PRPF8: variants seen among roughly 807,000 people sequenced by gnomAD.
PRPF8 encodes the protein pre-mRNA-processing-splicing factor 8.
PRPF8 carries 64 observed loss-of-function variants against 285.9 expected under a neutral mutation model. That is an observed-to-expected ratio of 0.22 (90% CI 0.18 to 0.28). PRPF8 has a LOEUF of 0.28. Among genes scored for constraint, PRPF8 ranks in the 10% least tolerant of loss-of-function variants. PRPF8 has a pLI of 1.00. For missense variants in PRPF8, 1,426 were observed against 3,026.7 expected, an observed-to-expected ratio of 0.47 and a Z score of 12.41; for synonymous variants, 1,325 against 1,118.2, an observed-to-expected ratio of 1.18 and a Z score of -3.69.
intron 3 of PRPF8, 114 bp downstream of exon 3, chr17:1,683,419 C>T: frequency 8.2e-7 from 1 of 1,221,588 alleles, no homozygotes; most frequent in East Asian, 2.3e-5. Flanking sequence ...CTGGTTTTCT[C>T]CTTTCTCTTA....
chr17:1,650,743 C>T lies in PRPF8; in HGVS notation c.*59G>A. 1 of 1,602,422 alleles carries T rather than the reference C, an allele frequency of 6.2e-7. No homozygotes were observed. The highest frequency in any genetic ancestry group is 2.1e-4 in the Middle Eastern group (1 of 4,834). ...GGCCAAACTGCTGAATGTCAGCGGC[C>T]TGTCTGGAGGGGCTGAGGCTTCGGC... On this transcript the variant is annotated 3_prime_UTR_variant, in exon 43 of 43. Coordinates refer to ENST00000304992, the MANE Select transcript of PRPF8 (RefSeq NM_006445.4).
rs561422169 is a variant in PRPF8 at position 1,658,076 on chromosome 17, G to A, written c.5505+177C>T. Among the ~76,000 whole-genome samples, 3 of 151,906 alleles carry A rather than the reference G, an allele frequency of 2.0e-5. No individual in the cohort carries two copies. Among genetic ancestry groups the A allele is most frequent in the African/African-American group, 4.8e-5 (2 of 41,462 alleles). On this transcript the variant is annotated intron_variant, in intron 34 of 42. Coordinates refer to ENST00000304992, the MANE Select transcript of PRPF8 (RefSeq NM_006445.4). This position sits in a 1 kb window ranked among gnomAD's most constrained non-coding sequence, Gnocchi z 4.1. ...GGAAACAGACCAGCTGGAAGGGAAC[G>A]AAGCACCTCATACACTCTTGGACCT... is the stretch of plus-strand genomic sequence containing the variant.
chr17:1,679,938 T>C lies in PRPF8; in HGVS notation c.1099-139A>G. The C allele has an allele frequency of 9.9e-7, 1 of 1,009,504 alleles. No homozygotes were observed. The highest frequency in any genetic ancestry group is 1.3e-5 in the South Asian group (1 of 77,158). 62.5% of individuals were successfully genotyped at this position (1,009,504 alleles called of 1,614,324 possible). On this transcript the variant is annotated intron_variant, in intron 8 of 42. Transcript: ENST00000304992. This position sits in a 1 kb window ranked among gnomAD's most constrained non-coding sequence, Gnocchi z 4.7. ...CTGTCTGACAAAAGCAGCCCTGAAG[T>C]GCCAGCACAAAGGAAACCAAGACAG...
At chr17:1,672,025 A>C (rs1362858704) in intron 24 of PRPF8, among the ~76,000 whole-genome samples, 1 of 152,108 alleles carries the variant, frequency 6.6e-6, no homozygotes, top group African/African-American at 2.4e-5. Context: ...TCTAATAAAA[A>C]TAATGAAAAT....
At chr17:1,665,001 C>CA (rs919617379) in intron 24 of PRPF8, among the ~76,000 whole-genome samples, 8 of 149,124 alleles carry the variant, frequency 5.4e-5, no homozygotes, top group African/African-American at 1.7e-4. Flanking sequence ...ACTAAAAATA[C>CA]AAAAAAAAAT....
intron 24 of PRPF8, among the ~76,000 whole-genome samples, chr17:1,665,076 C>T (rs982500808): frequency 6.8e-6 from 1 of 146,264 alleles, no homozygotes; most frequent in Non-Finnish European, 1.5e-5. Context: ...AGGAGAATCG[C>T]TTGAACAGGG....
Position 1,675,976 on chromosome 17 carries a change from C to T in PRPF8, c.2631G>A (p.Ala877=), listed in dbSNP as rs35420265. 2.5e-3 allele frequency: 4,034 copies of T among 1,614,020 alleles called. 86 individuals carry two copies. In the African/African-American group the frequency reaches 0.047, roughly 19 times the overall value. Residue 877 remains alanine (A), a synonymous_variant, in exon 18 of 43, where the codon GCG becomes GCA. Coordinates refer to ENST00000304992, the MANE Select transcript of PRPF8 (RefSeq NM_006445.4). This position sits in a 1 kb window ranked among gnomAD's most constrained non-coding sequence, Gnocchi z 6.0. The stretch of plus-strand genomic sequence containing the variant: ...GGAGGTGACGCTTGATGCGGGACAG[C>T]GCCTCGTGGGGGTTATCGTAGGCCT... ...IEQAYDNPHE[A]LSRIKRHLLT...
chr17:1,684,697 C>T, intron 1 of PRPF8, 83 bp downstream of exon 1: 1 of 961,188 alleles, frequency 1.0e-6, no homozygotes, highest in Non-Finnish European at 1.6e-6. Context: ...GTGCATCCAG[C>T]CCCGCCCGGC....
intron 24 of PRPF8, among the ~76,000 whole-genome samples, chr17:1,664,230 G>A (rs1911832950): frequency 2.0e-5 from 3 of 151,922 alleles, no homozygotes; most frequent in Admixed American, 6.6e-5. Context: ...ATGGGGTTTC[G>A]CTATGTTGCC....
rs1469696800 is a variant in PRPF8 at position 1,659,987 on chromosome 17, T to C, written c.4800A>G (p.Glu1600=). 6.2e-7 allele frequency: 1 copy of C among 1,614,200 alleles called. No individual in the cohort carries two copies. Among genetic ancestry groups the C allele is most frequent in the Non-Finnish European group, 8.5e-7 (1 of 1,180,010 alleles). ...CTGTCTCAATTTCCAGTGCATCAAG[T>C]TCCTGGTCAAACACCTGAAGGAAAA... The part of the protein sequence containing the change: ...VMDLCQVFDQ[E]LDALEIETVQ... The change falls in exon 31 of 43, where the codon GAA becomes GAG. Residue 1600 remains glutamate, a synonymous_variant. Coordinates refer to ENST00000304992, the MANE Select transcript of PRPF8 (RefSeq NM_006445.4). The surrounding 1 kb of genome is among the most constrained non-coding windows in gnomAD (Gnocchi z 5.1).
intron 24 of PRPF8, among the ~76,000 whole-genome samples, chr17:1,668,488 G>A (rs1265302904): frequency 1.3e-5 from 2 of 149,888 alleles, no homozygotes; most frequent in Non-Finnish European, 3.0e-5. Flanking sequence ...CAGCCCCCCT[G>A]AGTAGCTGGG....
chr17:1,661,364 G>A lies in PRPF8; in HGVS notation c.4245C>T (p.Gly1415=). Residue 1415 remains glycine, a synonymous_variant, in exon 27 of 43, where the codon GGC becomes GGT. Transcript: ENST00000304992. The surrounding 1 kb of genome is among the most constrained non-coding windows in gnomAD (Gnocchi z 7.3). ...LEDLEDSWDR[G]IPRINTLFQK... is the part of the protein sequence containing the mutation. ...GGAAGAGGGTATTGATTCGAGGAAT[G>A]CCACGATCCCATGAATCTTCTAGGT... The A allele has an allele frequency of 6.2e-7, 1 of 1,614,198 alleles. No homozygotes were observed. The highest frequency in any genetic ancestry group is 8.5e-7 in the Non-Finnish European group (1 of 1,180,044).
Position 1,680,954 on chromosome 17 carries a change from G to A in PRPF8, c.967C>T (p.Leu323Phe), listed in dbSNP as rs1295062223. The A allele has an allele frequency of 6.2e-7, 1 of 1,614,042 alleles. No homozygotes were observed. The highest frequency in any genetic ancestry group is 8.5e-7 in the Non-Finnish European group (1 of 1,180,002). The change falls in exon 7 of 43, where the codon CTT (leucine) becomes TTT (phenylalanine). Residue 323 changes from leucine to phenylalanine, a missense_variant. Physicochemically the swap from Leu to Phe is conservative, Grantham distance 22. Coordinates refer to ENST00000304992, the MANE Select transcript of PRPF8 (RefSeq NM_006445.4). The stretch of plus-strand genomic sequence containing the variant: ...CAGGTGAGGTGGACATGGTGTGGAA[G>A]ATTGTTGTACAAGTAAGGAAAAGCA... ...KIAFPYLYNN[L>F]PHHVHLTWYH...
chr17:1,681,456 A>G (rs758675847), intron 6 of PRPF8, 22 bp downstream of exon 6: 2 of 1,545,738 alleles, frequency 1.3e-6, no homozygotes, highest in East Asian at 2.2e-5. Context: ...AATGTCTAAA[A>G]TCCCTAATCT....
At position 1,679,660 on chromosome 17, in the gene PRPF8, A is replaced by C; in HGVS notation, c.1238T>G (p.Leu413Arg). 1.2e-6 allele frequency: 2 copies of C among 1,614,126 alleles called. No homozygotes were observed. The highest frequency in any genetic ancestry group is 1.7e-6 in the Non-Finnish European group (2 of 1,180,016). ...GGCCCGACGGGTGCGACCAGAGCGT[A>C]GGTTGAAGGGCCGCGGGGCCCAGAG... The part of the protein sequence containing the change: ...ALLWAPRPFN[L>R]RSGRTRRALD... Residue 413 changes from leucine to arginine, a missense_variant, in exon 9 of 43, where the codon CTA (leucine) becomes CGA (arginine). By Grantham distance (102) the Leu-to-Arg change is moderately radical. This residue lies in a region of PRPF8 where 137 missense variants were observed against 161.2 expected (regional missense o/e 0.85). Coordinates refer to ENST00000304992, the MANE Select transcript of PRPF8 (RefSeq NM_006445.4). This position sits in a 1 kb window ranked among gnomAD's most constrained non-coding sequence, Gnocchi z 4.7.
At chr17:1,682,545 G>C (rs1176425615) in intron 3 of PRPF8, among the ~76,000 whole-genome samples, 1 of 152,030 alleles carries the variant, frequency 6.6e-6, no homozygotes, top group African/African-American at 2.4e-5. Flanking sequence ...TATCCCTCTG[G>C]AGACAGCTTT....
chr17:1,683,335 A>G, intron 3 of PRPF8, 198 bp downstream of exon 3: 1 of 675,048 alleles, frequency 1.5e-6, no homozygotes, highest in Admixed American at 2.4e-5. Flanking sequence ...AAATTAAAGC[A>G]CCAGTCCCAG....
intron 36 of PRPF8, among the ~76,000 whole-genome samples, chr17:1,655,779 A>G (rs561620516): frequency 6.6e-6 from 1 of 152,046 alleles, no homozygotes; most frequent in South Asian, 2.1e-4. Flanking sequence ...GGCACCTGCC[A>G]CCACGCCCGG....
chr17:1,672,428 G>A (rs1912377819), intron 24 of PRPF8, among the ~76,000 whole-genome samples: 1 of 152,002 alleles, frequency 6.6e-6, no homozygotes, highest in African/African-American at 2.4e-5. Context: ...TACAGGCGCC[G>A]GCCACCAGGC....
Sources: allele counts gnomAD v4.1 joint callset (sites outside exome capture counted in the v4.1 genomes callset), GRCh38; gene constraint gnomAD v4.1.1; regional missense constraint gnomAD v4.1.1; non-coding constraint Gnocchi (gnomAD v3.1); transcripts MANE v1.5; gene names NCBI Gene and HGNC (gene_info 2026-07-23, HGNC 2026-07-21).